CDK6: variants seen among roughly 807,000 people sequenced by gnomAD.
CDK6 encodes cyclin dependent kinase 6, also known as cyclin-dependent kinase 6.
In CDK6, 6 loss-of-function variants were observed where a neutral mutation model predicts 37.1. That is an observed-to-expected ratio of 0.16 (90% CI 0.09 to 0.32). The LOEUF is 0.32. Among genes scored for constraint, CDK6 ranks in the 10% least tolerant of loss-of-function variants. CDK6 has a pLI of 1.00. For synonymous variants in CDK6, 160 were observed against 161.3 expected (o/e 0.99, Z 0.06); for missense variants, 224 against 418.9 (o/e 0.53, Z 4.06).
At chr7:92,629,266 T>C (rs1186502691) in intron 5 of CDK6, among the ~76,000 whole-genome samples, 2 of 152,070 alleles carry the variant, frequency 1.3e-5, no homozygotes, top group Non-Finnish European at 2.9e-5. Flanking sequence ...TCCCTGTCCA[T>C]AGGAGGGACT....
rs150805076 is a variant in CDK6 at position 92,685,198 on chromosome 7, C to T, written c.538-13663G>A. Among the ~76,000 whole-genome samples the T allele has an allele frequency of 1.1e-4, 17 of 152,258 alleles. No individual in the cohort carries two copies. In the East Asian group the frequency reaches 3.1e-3, roughly 28 times the overall value. ...ACATTCATTTGCTCTTAATGAGCCA[C>T]AATGCTTTTCTTAAAATTGTCTCAG... On this transcript the variant is annotated intron_variant, in intron 4 of 7. Transcript: ENST00000424848.
At chr7:92,830,759 T>C (rs1359321678) in intron 2 of CDK6, among the ~76,000 whole-genome samples, 1 of 152,144 alleles carries the variant, frequency 6.6e-6, no homozygotes, top group Non-Finnish European at 1.5e-5. Context: ...GAGGGTGACA[T>C]CATCAATAAT....
rs2116463013 is a variant in CDK6 at position 92,608,675 on chromosome 7, T to C, written c.*6465A>G. 1 of 231,406 alleles carries C rather than the reference T, an allele frequency of 4.3e-6. No individual in the cohort carries two copies. Among genetic ancestry groups the C allele is most frequent in the South Asian group, 1.8e-4 (1 of 5,518 alleles). 14.3% of individuals were successfully genotyped at this position (231,406 alleles called of 1,614,324 possible). A position where few individuals can be genotyped will look rare whatever the true frequency, so the allele number is the denominator to read the frequency against. ...TTTCGGAGAATTGTGTTGTACTTAT[T>C]TATGCACAGAAGACACCCGTTTGCT... On this transcript the variant is annotated 3_prime_UTR_variant, in exon 8 of 8. Coordinates refer to ENST00000424848, the MANE Select transcript of CDK6 (RefSeq NM_001145306.2).
In CDK6 at chr7:92,791,053, G is replaced by A. The variant is rs144488692; in HGVS notation, c.234-16222C>T. Among the ~76,000 whole-genome samples the A allele has an allele frequency of 2.9e-3, 438 of 152,300 alleles. 3 individuals are homozygous for A. The highest frequency in any genetic ancestry group is 5.1e-3 in the Non-Finnish European group (349 of 68,016). On this transcript the variant is annotated intron_variant, in intron 2 of 7. Transcript: ENST00000424848. The stretch of plus-strand genomic sequence containing the variant: ...CTGTAAGGAGACTGTTGCTGCAGTA[G>A]TACAGGGAAAGTAAAGAAGGCCTGT...
At chr7:92,814,124 T>G (rs866296586) in intron 2 of CDK6, among the ~76,000 whole-genome samples, 1 of 152,232 alleles carries the variant, frequency 6.6e-6, no homozygotes, top group Non-Finnish European at 1.5e-5. Flanking sequence ...ATTCCCAATA[T>G]GATGTCAAAT....
intron 4 of CDK6, among the ~76,000 whole-genome samples, chr7:92,703,018 G>A (rs1797890480): frequency 6.6e-6 from 1 of 152,176 alleles, no homozygotes. Context: ...ATCGATGAGT[G>A]TCCCCTGGGG....
At chr7:92,831,929 T>A (rs1337307246) in intron 2 of CDK6, among the ~76,000 whole-genome samples, 11 of 152,234 alleles carry the variant, frequency 7.2e-5, no homozygotes, top group Admixed American at 7.2e-4. Flanking sequence ...ATGACTAATG[T>A]TAAATTGTTT....
intron 3 of CDK6, among the ~76,000 whole-genome samples, chr7:92,769,058 T>C (rs1242797940): frequency 6.6e-6 from 1 of 152,192 alleles, no homozygotes; most frequent in Admixed American, 6.5e-5. Context: ...AGCCACTGTT[T>C]ACTGCAAGCA....
chr7:92,797,510 T>C (rs911735542), intron 2 of CDK6, among the ~76,000 whole-genome samples: 2 of 152,212 alleles, frequency 1.3e-5, no homozygotes, highest in African/African-American at 4.8e-5. Context: ...GCCAGGTGGA[T>C]ACTGGAACAT....
At chr7:92,709,225 T>C (rs570894298) in intron 4 of CDK6, among the ~76,000 whole-genome samples, 1 of 152,294 alleles carries the variant, frequency 6.6e-6, no homozygotes, top group South Asian at 2.1e-4. Context: ...CATCACATTG[T>C]AGTAGACTGC....
chr7:92,652,524 A>G (rs1301099001), intron 5 of CDK6, among the ~76,000 whole-genome samples: 1 of 152,220 alleles, frequency 6.6e-6, no homozygotes, highest in East Asian at 1.9e-4. Context: ...ATCTGATGGT[A>G]CACTCTGCCT....
intron 2 of CDK6, among the ~76,000 whole-genome samples, chr7:92,797,875 A>T (rs1462708748): frequency 6.6e-6 from 1 of 152,150 alleles, no homozygotes; most frequent in Non-Finnish European, 1.5e-5. Flanking sequence ...TCTCCACGGA[A>T]AATCAGCCAG....
intron 5 of CDK6, among the ~76,000 whole-genome samples, chr7:92,641,655 T>A (rs527315382): frequency 2.4e-4 from 37 of 152,242 alleles, no homozygotes; most frequent in Non-Finnish European, 3.2e-4. Flanking sequence ...GCATACATTA[T>A]ACAGATTTTT....
At chr7:92,661,713 G>A (rs1007386230) in intron 5 of CDK6, among the ~76,000 whole-genome samples, 3 of 152,170 alleles carry the variant, frequency 2.0e-5, no homozygotes, top group African/African-American at 7.2e-5. Flanking sequence ...TGTCTCATGG[G>A]TGGCAGAGTT....
At chr7:92,831,052 C>A (rs1008709672) in intron 2 of CDK6, among the ~76,000 whole-genome samples, 2 of 152,208 alleles carry the variant, frequency 1.3e-5, no homozygotes, top group African/African-American at 4.8e-5. Context: ...TTTATTCTCA[C>A]GACTTTAACA....
chr7:92,650,277 C>T (rs1384278102), intron 5 of CDK6, among the ~76,000 whole-genome samples: 2 of 152,190 alleles, frequency 1.3e-5, no homozygotes, highest in East Asian at 1.9e-4. Context: ...GAGTGGAGTG[C>T]AGAGAATAAA....
At chr7:92,744,791 G>A (rs1372561522) in intron 3 of CDK6, among the ~76,000 whole-genome samples, 2 of 151,938 alleles carry the variant, frequency 1.3e-5, no homozygotes, top group Non-Finnish European at 2.9e-5. Context: ...CAACTCCCTG[G>A]ACAGTTCTCA....
intron 2 of CDK6, among the ~76,000 whole-genome samples, chr7:92,803,725 C>A (rs1466261391): frequency 6.6e-6 from 1 of 152,078 alleles, no homozygotes; most frequent in East Asian, 1.9e-4. Flanking sequence ...GGAACATAAC[C>A]CAAACGAGAG....
intron 3 of CDK6, among the ~76,000 whole-genome samples, chr7:92,758,927 G>C (rs1397822237): frequency 6.6e-6 from 1 of 151,936 alleles, no homozygotes; most frequent in Non-Finnish European, 1.5e-5. Context: ...TTCCTGATTT[G>C]GCTCTTGGCT....
Sources: allele counts gnomAD v4.1 joint callset (sites outside exome capture counted in the v4.1 genomes callset), GRCh38; gene constraint gnomAD v4.1.1; transcripts MANE v1.5; gene names NCBI Gene and HGNC (gene_info 2026-07-23, HGNC 2026-07-21).